CLSTN2: variants seen among roughly 807,000 people sequenced by gnomAD.
The protein encoded by CLSTN2 is calsyntenin-2.
A neutral mutation model predicts 101.2 loss-of-function variants in CLSTN2; 48 were observed. The ratio of observed to expected loss-of-function variants is 0.47; its 90% CI spans 0.38 to 0.60. CLSTN2 has a LOEUF of 0.60. Among genes scored for constraint, CLSTN2 ranks in the 20% least tolerant of loss-of-function variants. CLSTN2 has a pLI of 0.00. For synonymous variants in CLSTN2, 481 were observed against 463.6 expected, an observed-to-expected ratio of 1.04 and a Z score of -0.48; for missense variants, 1,160 against 1,238.2, an observed-to-expected ratio of 0.94 and a Z score of 0.95.
chr3:140,255,364 G>A lies in CLSTN2; in HGVS notation c.232+79291G>A, dbSNP rs543861054. On this transcript the variant is annotated intron_variant, in intron 2 of 16. Coordinates refer to ENST00000458420, the MANE Select transcript of CLSTN2 (RefSeq NM_022131.3). ...ACACATGCAGTGTATGTTCATTGCA[G>A]CACTGTTCACTACAGCAAAGACATG... Among the ~76,000 whole-genome samples, 349 of 152,258 alleles carry A rather than the reference G, an allele frequency of 2.3e-3. 3 individuals carry two copies. The highest frequency in any genetic ancestry group is 3.1e-3 in the Non-Finnish European group (214 of 68,016).
At chr3:140,542,130 A>AT (rs1055714333) in intron 9 of CLSTN2, among the ~76,000 whole-genome samples, 1 of 151,988 alleles carries the variant, frequency 6.6e-6, no homozygotes, top group African/African-American at 2.4e-5. Context: ...AATGATGGTT[A>AT]TTTTTTTTCC....
At chr3:140,262,416 G>A (rs1467119752) in intron 2 of CLSTN2, among the ~76,000 whole-genome samples, 1 of 152,202 alleles carries the variant, frequency 6.6e-6, no homozygotes, top group African/African-American at 2.4e-5. Context: ...TGTTTGGCCT[G>A]AGGTAAAAGA....
In CLSTN2 at chr3:140,122,101, C is replaced by G. The variant is rs547727585; in HGVS notation, c.110-53850C>G. ...CATGAAACCAAGCTGGCTGTATCTC[C>G]CCATGGTCTCTCTCCTGTTCTGCAA... On this transcript the variant is annotated intron_variant, in intron 1 of 16. Transcript: ENST00000458420. Among the ~76,000 whole-genome samples the G allele has an allele frequency of 2.0e-5, 3 of 152,286 alleles. No homozygotes were observed. In the South Asian group the frequency reaches 6.2e-4, roughly 32 times the overall value.
chr3:140,148,806 TGAG>T (rs1168929281), intron 1 of CLSTN2, among the ~76,000 whole-genome samples: 3 of 152,182 alleles, frequency 2.0e-5, no homozygotes, highest in Non-Finnish European at 4.4e-5. Flanking sequence ...AGCTTCAGGA[TGAG>T]GAGTCCCTGA....
At position 140,444,580 on chromosome 3, in the gene CLSTN2, A is replaced by G. The variant is rs189392218; in HGVS notation, c.788-3939A>G. Among the ~76,000 whole-genome samples the G allele has an allele frequency of 1.3e-3, 195 of 152,368 alleles. 1 individual carries two copies. The highest frequency in any genetic ancestry group is 4.4e-3 in the African/African-American group (183 of 41,590). On this transcript the variant is annotated intron_variant, in intron 5 of 16. Transcript: ENST00000458420. Reference sequence around the variant, plus strand: ...GTATAAAAGTGCTTGGCACCTTGTCAGTGCTTAGTCATTGATTTCCTCTTA... The same window carrying G: ...GTATAAAAGTGCTTGGCACCTTGTCGGTGCTTAGTCATTGATTTCCTCTTA...
intron 1 of CLSTN2, among the ~76,000 whole-genome samples, chr3:140,003,200 G>A (rs998132880): frequency 1.3e-5 from 2 of 152,104 alleles, no homozygotes; most frequent in African/African-American, 4.8e-5. Context: ...TACGAACATG[G>A]AAAGTCTTTC....
chr3:140,207,706 A>C (rs1457774856), intron 2 of CLSTN2, among the ~76,000 whole-genome samples: 1 of 152,158 alleles, frequency 6.6e-6, no homozygotes, highest in East Asian at 1.9e-4. Flanking sequence ...TGATTGTTGC[A>C]TAGGGTAAAT....
chr3:140,282,640 T>A (rs894677409), intron 2 of CLSTN2, among the ~76,000 whole-genome samples: 1 of 152,092 alleles, frequency 6.6e-6, no homozygotes, highest in African/African-American at 2.4e-5. Context: ...CCCATATTTG[T>A]CACATCATGT....
At chr3:140,392,495 A>G (rs964214297) in intron 2 of CLSTN2, among the ~76,000 whole-genome samples, 1 of 152,148 alleles carries the variant, frequency 6.6e-6, no homozygotes, top group Non-Finnish European at 1.5e-5. Flanking sequence ...AACATACTTC[A>G]AAGTTTTCCA....
chr3:140,483,777 TTTTA>T (rs990993236), intron 8 of CLSTN2, among the ~76,000 whole-genome samples: 1 of 152,244 alleles, frequency 6.6e-6, no homozygotes. Flanking sequence ...CCTGCTCTGA[TTTTA>T]TTTATTTATT....
At chr3:140,393,351 T>C (rs563219976) in intron 2 of CLSTN2, among the ~76,000 whole-genome samples, 14 of 152,348 alleles carry the variant, frequency 9.2e-5, no homozygotes, top group African/African-American at 3.4e-4. Context: ...CTCTGGTTAA[T>C]TGAGGAGGCT....
At chr3:139,989,262 C>T (rs1335404935) in intron 1 of CLSTN2, among the ~76,000 whole-genome samples, 5 of 152,170 alleles carry the variant, frequency 3.3e-5, no homozygotes, top group Non-Finnish European at 7.3e-5. Context: ...CCACCTAGGA[C>T]CCCACCTTAT....
intron 1 of CLSTN2, among the ~76,000 whole-genome samples, chr3:140,165,160 T>G (rs1414337835): frequency 6.6e-6 from 1 of 152,198 alleles, no homozygotes; most frequent in Non-Finnish European, 1.5e-5. Context: ...GGATTTGTAT[T>G]TAAAACTCTC....
chr3:140,043,710 A>G (rs1382689726), intron 1 of CLSTN2, among the ~76,000 whole-genome samples: 24 of 152,308 alleles, frequency 1.6e-4, no homozygotes, highest in African/African-American at 5.8e-4. Context: ...TATAAGGTGT[A>G]AGGAAGGGAT....
intron 1 of CLSTN2, among the ~76,000 whole-genome samples, chr3:140,052,565 G>A (rs1471193897): frequency 6.6e-6 from 1 of 152,104 alleles, no homozygotes; most frequent in African/African-American, 2.4e-5. Flanking sequence ...ATAACCCTGG[G>A]GGAAGGCAGG....
chr3:139,992,429 C>T (rs549458309), intron 1 of CLSTN2, among the ~76,000 whole-genome samples: 2 of 152,266 alleles, frequency 1.3e-5, no homozygotes, highest in East Asian at 1.9e-4. Flanking sequence ...GGAGACATGA[C>T]AGGAAGCTCA....
At chr3:139,948,421 C>T (rs567968664) in intron 1 of CLSTN2, among the ~76,000 whole-genome samples, 173 of 151,494 alleles carry the variant, frequency 1.1e-3, no homozygotes, top group African/African-American at 4.0e-3. Context: ...GCCAAGATAG[C>T]GCCATTGCAC....
chr3:140,198,325 A>C (rs1188971077), intron 2 of CLSTN2, among the ~76,000 whole-genome samples: 3 of 152,196 alleles, frequency 2.0e-5, no homozygotes, highest in African/African-American at 7.2e-5. Context: ...TCACACATTT[A>C]GTGGCTTAAA....
intron 16 of CLSTN2, 68 bp from the exon 17 acceptor site, chr3:140,565,985 G>C (rs2107795933): frequency 1.3e-6 from 2 of 1,597,100 alleles, no homozygotes; most frequent in South Asian, 1.1e-5. Flanking sequence ...TGGATGGAGA[G>C]ACATAAGCTC....
Sources: allele counts gnomAD v4.1 joint callset (sites outside exome capture counted in the v4.1 genomes callset), GRCh38; gene constraint gnomAD v4.1.1; transcripts MANE v1.5; gene names NCBI Gene and HGNC (gene_info 2026-07-23, HGNC 2026-07-21).